SIMC1: variants seen among roughly 807,000 people sequenced by gnomAD.
SIMC1 encodes SUMO interacting motifs containing 1.
In SIMC1, 55 loss-of-function variants were observed where a neutral mutation model predicts 82.3. That is an observed-to-expected ratio of 0.67 (90% CI 0.54 to 0.84). SIMC1 has a LOEUF of 0.84. Among genes scored for constraint, SIMC1 ranks in the 40% least tolerant of loss-of-function variants. SIMC1 has a pLI of 0.00. For missense variants in SIMC1, 915 were observed against 1,107.2 expected (o/e 0.83, Z 2.46); for synonymous variants, 353 against 426.3 (o/e 0.83, Z 2.12).
intron 9 of SIMC1, among the ~76,000 whole-genome samples, chr5:176,342,071 A>G (rs565772777): frequency 2.0e-5 from 3 of 151,876 alleles, no homozygotes; most frequent in Non-Finnish European, 4.4e-5. Flanking sequence ...GATTTAATAA[A>G]CTCCACATTC....
chr5:176,274,349 G>T (rs1409561114), intron 1 of SIMC1, among the ~76,000 whole-genome samples: 1 of 150,394 alleles, frequency 6.6e-6, no homozygotes, highest in Non-Finnish European at 1.5e-5. Flanking sequence ...TTTTGATGGG[G>T]TTGTTTGTTT....
chr5:176,283,375 T>C (rs1429765508), intron 1 of SIMC1, among the ~76,000 whole-genome samples: 2 of 152,254 alleles, frequency 1.3e-5, no homozygotes, highest in Non-Finnish European at 2.9e-5. Flanking sequence ...GTATTCAACA[T>C]TCTTAAAGAA....
intron 2 of SIMC1, among the ~76,000 whole-genome samples, chr5:176,293,689 A>G (rs1334358882): frequency 6.6e-6 from 1 of 151,824 alleles, no homozygotes; most frequent in East Asian, 1.9e-4. Flanking sequence ...CAGAGGTTGC[A>G]GTGAGCCATG....
intron 1 of SIMC1, among the ~76,000 whole-genome samples, chr5:176,264,338 G>A (rs1353967991): frequency 1.3e-5 from 2 of 152,284 alleles, no homozygotes; most frequent in African/African-American, 4.8e-5. Flanking sequence ...CTCTGTGGGG[G>A]CTCTGCCCCT....
At chr5:176,286,872 GA>G (rs1763312432) in intron 1 of SIMC1, among the ~76,000 whole-genome samples, 1 of 152,142 alleles carries the variant, frequency 6.6e-6, no homozygotes, top group South Asian at 2.1e-4. Flanking sequence ...ACAGACACAT[GA>G]AAAAATGCTC....
rs1440120144 is a variant in SIMC1 at position 176,305,861 on chromosome 5, G to T, written c.1735-7830G>T. Reference sequence around the variant, plus strand: ...CCCGTCCGGGAGGGAGGTGGGGGGGGTCAGCCCCCCTGCCCGGCCAGCCGC... The same window carrying T: ...CCCGTCCGGGAGGGAGGTGGGGGGGTTCAGCCCCCCTGCCCGGCCAGCCGC... On this transcript the variant is annotated intron_variant, in intron 4 of 9. Transcript: ENST00000429602. 4.4e-4 allele frequency among the ~76,000 whole-genome samples: 33 copies of T among 75,702 alleles called. 2 individuals are homozygous for T. In the East Asian group the frequency reaches 0.013, roughly 29 times the overall value. 49.7% of individuals were successfully genotyped at this position (75,702 alleles called of 152,430 possible).
chr5:176,252,103 TC>T (rs1402555311), intron 1 of SIMC1, among the ~76,000 whole-genome samples: 1 of 152,152 alleles, frequency 6.6e-6, no homozygotes, highest in Non-Finnish European at 1.5e-5. Context: ...TGGGTACACC[TC>T]CCAGATGGGG....
intron 9 of SIMC1, among the ~76,000 whole-genome samples, chr5:176,344,140 T>G (rs1211066709): frequency 1.2e-4 from 18 of 152,242 alleles, no homozygotes; most frequent in Non-Finnish European, 1.5e-5. Context: ...AGTGTCCCAG[T>G]AATATACTTT....
intron 7 of SIMC1, among the ~76,000 whole-genome samples, chr5:176,332,678 GATAA>G (rs754941782): frequency 2.6e-4 from 40 of 152,032 alleles, no homozygotes; most frequent in Non-Finnish European, 4.7e-4. Flanking sequence ...AATAGTATTA[GATAA>G]ATATTGTATT....
chr5:176,276,051 C>T (rs957853771), intron 1 of SIMC1, among the ~76,000 whole-genome samples: 9 of 151,544 alleles, frequency 5.9e-5, no homozygotes, highest in Non-Finnish European at 1.2e-4. Flanking sequence ...GGAATGGTAC[C>T]AGTTCCTCCT....
At chr5:176,258,673 T>C (rs1463080673) in intron 1 of SIMC1, among the ~76,000 whole-genome samples, 1 of 150,346 alleles carries the variant, frequency 6.7e-6, no homozygotes, top group Non-Finnish European at 1.5e-5. Flanking sequence ...AGTGAACTTA[T>C]TAATATAATA....
chr5:176,285,647 G>T (rs1344492762), intron 1 of SIMC1, among the ~76,000 whole-genome samples: 1 of 151,762 alleles, frequency 6.6e-6, no homozygotes, highest in Non-Finnish European at 1.5e-5. Context: ...GGGCAATTAG[G>T]CAGGAGAAGG....
intron 4 of SIMC1, chr5:176,313,147 A>T: frequency 2.3e-6 from 1 of 439,524 alleles, no homozygotes; most frequent in Non-Finnish European, 3.3e-6. Context: ...AGCCAAGCCA[A>T]CAGACTTGGC....
intron 1 of SIMC1, chr5:176,261,006 T>C (rs1761994837): frequency 6.6e-6 from 1 of 152,338 alleles, no homozygotes; most frequent in Admixed American, 6.5e-5. Flanking sequence ...TCTTTGTTTT[T>C]TTCTTTTCTT....
intron 1 of SIMC1, among the ~76,000 whole-genome samples, chr5:176,253,373 C>G (rs530839376): frequency 6.6e-6 from 1 of 151,898 alleles, no homozygotes. Context: ...AGATACTCCT[C>G]GAGAATTTTT....
chr5:176,253,404 G>A (rs1761754161), intron 1 of SIMC1, among the ~76,000 whole-genome samples: 1 of 152,114 alleles, frequency 6.6e-6, no homozygotes. Flanking sequence ...AGTAGAGACG[G>A]AGTTTTGCAA....
At chr5:176,287,758 A>G (rs368529631) in intron 1 of SIMC1, among the ~76,000 whole-genome samples, 1 of 152,072 alleles carries the variant, frequency 6.6e-6, no homozygotes, top group East Asian at 1.9e-4. Context: ...GTTTACTCAA[A>G]CTAGTGAACT....
intron 4 of SIMC1, among the ~76,000 whole-genome samples, chr5:176,298,379 C>G (rs1249127905): frequency 6.6e-6 from 1 of 152,184 alleles, no homozygotes; most frequent in Non-Finnish European, 1.5e-5. Context: ...AGCCACCACA[C>G]CTGTCCTGGA....
At chr5:176,315,003 G>A (rs1431307716) in intron 5 of SIMC1, among the ~76,000 whole-genome samples, 5 of 152,108 alleles carry the variant, frequency 3.3e-5, no homozygotes, top group Non-Finnish European at 7.4e-5. Context: ...TACAATGTTC[G>A]GTAGATTGGG....
Sources: gnomAD v4.1 joint callset for allele counts (sites outside exome capture counted in the v4.1 genomes callset) on GRCh38, gnomAD v4.1.1 for gene constraint, MANE v1.5 for transcripts, NCBI Gene and HGNC (gene_info 2026-07-23, HGNC 2026-07-21) for gene names.